Variants in GPR158 observed in about 807,000 individuals in gnomAD.
GPR158 encodes G protein-coupled receptor 158.
A neutral mutation model predicts 78.2 loss-of-function variants in GPR158; 30 were observed. The observed-to-expected ratio is 0.38, with a 90% CI of 0.29 to 0.52. The LOEUF (loss-of-function observed/expected upper bound fraction) is 0.52, where lower values mean the gene tolerates loss of function less well. GPR158 is among the 20% of genes least tolerant of loss of function. The pLI is 0.83. For synonymous variants in GPR158, 581 were observed against 591.1 expected, an observed-to-expected ratio of 0.98 and a Z score of 0.25; for missense variants, 1,463 against 1,523.5, an observed-to-expected ratio of 0.96 and a Z score of 0.66.
At chr10:25,520,630 G>A (rs1588896522) in intron 5 of GPR158, among the ~76,000 whole-genome samples, 1 of 151,266 alleles carries the variant, frequency 6.6e-6, no homozygotes, top group African/African-American at 2.4e-5. Flanking sequence ...GGAATACCCT[G>A]CCGTGTGAGG....
chr10:25,444,608 T>A (rs180731973), intron 4 of GPR158, among the ~76,000 whole-genome samples: 2 of 150,916 alleles, frequency 1.3e-5, no homozygotes, highest in African/African-American at 4.9e-5. Context: ...ATGTGTGGGG[T>A]GTGTGGGTGT....
intron 4 of GPR158, among the ~76,000 whole-genome samples, chr10:25,443,083 C>T (rs1356029990): frequency 7.1e-6 from 1 of 140,694 alleles, no homozygotes; most frequent in South Asian, 2.3e-4. Context: ...TCTCTCCCCA[C>T]CCCACTATTT....
chr10:25,320,313 G>T (rs1249350316), intron 2 of GPR158, among the ~76,000 whole-genome samples: 1 of 152,182 alleles, frequency 6.6e-6, no homozygotes, highest in Non-Finnish European at 1.5e-5. Context: ...TTGTGACTCA[G>T]AGGACAAAAT....
rs1036350595 is a variant in GPR158, at chr10:25,602,176, TTGCAGCA to T, written c.*2905_*2911del. The T allele has an allele frequency of 1.3e-5, 2 of 152,660 alleles. No homozygotes were observed. Among genetic ancestry groups the T allele is most frequent in the African/African-American group, 4.8e-5 (2 of 41,468 alleles). The allele number at this position is 152,660 out of a possible 1,614,324, so 9.5% of individuals were successfully genotyped here. On this transcript the variant is annotated 3_prime_UTR_variant, in exon 11 of 11. Coordinates refer to ENST00000376351, the MANE Select transcript of GPR158 (RefSeq NM_020752.3). ...TTTGGTAAATTTATGTTGTGACGTG[TTGCAGCA>T]TGTAAATAATTATAACTTCTCTGCA...
In GPR158 at chr10:25,305,292, T is replaced by G. The variant is rs566088489; in HGVS notation, c.1008+84135T>G. 1.3e-5 allele frequency among the ~76,000 whole-genome samples: 2 copies of G among 152,316 alleles called. 1 individual carries two copies. Among genetic ancestry groups the G allele is most frequent in the South Asian group, 4.1e-4 (2 of 4,824 alleles). ...GACACTTAGCATTACATGTTTAGTT[T>G]TTGTATATTCAGTAGTTCATTCATC... On this transcript the variant is annotated intron_variant, in intron 2 of 10. Coordinates refer to ENST00000376351, the MANE Select transcript of GPR158 (RefSeq NM_020752.3).
intron 2 of GPR158, among the ~76,000 whole-genome samples, chr10:25,260,683 C>T (rs1403191532): frequency 6.6e-6 from 1 of 152,010 alleles, no homozygotes; most frequent in African/African-American, 2.4e-5. Context: ...CATCTCTAAT[C>T]TCACCTCCTA....
At chr10:25,245,515 G>A (rs1005597919) in intron 2 of GPR158, among the ~76,000 whole-genome samples, 2 of 152,286 alleles carry the variant, frequency 1.3e-5, no homozygotes, top group South Asian at 4.1e-4. Context: ...TTCTAGTTCT[G>A]TTGTGTATGA....
intron 5 of GPR158, among the ~76,000 whole-genome samples, chr10:25,471,886 C>T (rs1249909199): frequency 1.3e-4 from 20 of 152,116 alleles, no homozygotes; most frequent in African/African-American, 2.7e-4. Flanking sequence ...GAGTAGGTTG[C>T]GAAAATTTTC....
chr10:25,324,195 G>A (rs575171611), intron 2 of GPR158, among the ~76,000 whole-genome samples: 8 of 152,276 alleles, frequency 5.3e-5, no homozygotes, highest in Admixed American at 2.6e-4. Context: ...TAACTGTTTC[G>A]CACGAGAGGC....
chr10:25,315,638 T>A (rs1309905690), intron 2 of GPR158, among the ~76,000 whole-genome samples: 2 of 152,148 alleles, frequency 1.3e-5, no homozygotes, highest in East Asian at 3.9e-4. Flanking sequence ...TAATTCTATG[T>A]GTTTTATAAT....
chr10:25,503,799 C>T (rs1835974414), intron 5 of GPR158, among the ~76,000 whole-genome samples: 1 of 152,030 alleles, frequency 6.6e-6, no homozygotes, highest in Non-Finnish European at 1.5e-5. Flanking sequence ...TCTTTGCATG[C>T]TATTTCTTTC....
chr10:25,584,828 T>A (rs1247981956), intron 7 of GPR158, among the ~76,000 whole-genome samples: 1 of 152,216 alleles, frequency 6.6e-6, no homozygotes, highest in African/African-American at 2.4e-5. Context: ...TCTAACAGTT[T>A]ATCTGAGCGA....
chr10:25,357,155 G>C (rs1375343335), intron 2 of GPR158, among the ~76,000 whole-genome samples: 2 of 152,094 alleles, frequency 1.3e-5, no homozygotes, highest in East Asian at 3.9e-4. Context: ...AGGGTATCTG[G>C]CAGAAGAAAT....
intron 2 of GPR158, among the ~76,000 whole-genome samples, chr10:25,350,295 G>A (rs1236786362): frequency 1.3e-5 from 2 of 151,992 alleles, no homozygotes; most frequent in African/African-American, 4.8e-5. Context: ...AAATGAAATA[G>A]ACTAATGGTC....
rs535204882 is a variant in GPR158, at chr10:25,549,931, C to A, written c.1405-1045C>A. 6.6e-4 allele frequency among the ~76,000 whole-genome samples: 100 copies of A among 152,298 alleles called. 1 individual carries two copies. In the South Asian group the frequency reaches 0.02, roughly 30 times the overall value. Reference sequence around the variant, plus strand: ...GCAGTGGGCATATTTTCTGTTACGACCTTGCTTTTAGCAGAAACAGTTCAG... The same window carrying A: ...GCAGTGGGCATATTTTCTGTTACGAACTTGCTTTTAGCAGAAACAGTTCAG... On this transcript the variant is annotated intron_variant, in intron 5 of 10. Transcript: ENST00000376351.
At chr10:25,507,182 A>G (rs896567433) in intron 5 of GPR158, among the ~76,000 whole-genome samples, 3 of 152,224 alleles carry the variant, frequency 2.0e-5, no homozygotes, top group Non-Finnish European at 2.9e-5. Context: ...ACACTGGCTC[A>G]TGCAGCTCCC....
At chr10:25,182,847 G>A (rs1029688310) in intron 1 of GPR158, among the ~76,000 whole-genome samples, 4 of 152,216 alleles carry the variant, frequency 2.6e-5, no homozygotes, top group African/African-American at 9.7e-5. Flanking sequence ...TCTCTGTTCA[G>A]TGCTGATTTG....
intron 7 of GPR158, among the ~76,000 whole-genome samples, chr10:25,582,746 C>T (rs901975350): frequency 3.3e-5 from 5 of 152,154 alleles, no homozygotes; most frequent in African/African-American, 1.2e-4. Context: ...TACAATAAAA[C>T]CTTCACAAAG....
At chr10:25,515,514 C>T (rs1417209463) in intron 5 of GPR158, among the ~76,000 whole-genome samples, 62 of 106,234 alleles carry the variant, frequency 5.8e-4, no homozygotes, top group Non-Finnish European at 8.8e-4. Flanking sequence ...TGCTATCCCT[C>T]CCCCCTCCCC....
Sources: gnomAD v4.1 joint callset for allele counts (sites outside exome capture counted in the v4.1 genomes callset) on GRCh38, gnomAD v4.1.1 for gene constraint, MANE v1.5 for transcripts, NCBI Gene and HGNC (gene_info 2026-07-23, HGNC 2026-07-21) for gene names.